Variants in ART3 observed in about 807,000 individuals in gnomAD.
ART3 encodes ecto-ADP-ribosyltransferase 3.
In ART3, 49 loss-of-function variants were observed where a neutral mutation model predicts 48.5. The observed-to-expected ratio is 1.01, with a 90% CI of 0.80 to 1.28. The LOEUF is 1.28. Among genes scored for constraint, ART3 ranks in the 50% most tolerant of loss-of-function variants. ART3 has a pLI of 0.00. For missense variants in ART3, 438 were observed against 454.3 expected, an observed-to-expected ratio of 0.96 and a Z score of 0.33; for synonymous variants, 145 against 157.2, an observed-to-expected ratio of 0.92 and a Z score of 0.58.
At chr4:76,039,919 C>T (rs1454902145) in intron 1 of ART3, among the ~76,000 whole-genome samples, 1 of 152,212 alleles carries the variant, frequency 6.6e-6, no homozygotes, top group Non-Finnish European at 1.5e-5. Flanking sequence ...TCCTTCAGTA[C>T]TCTGCTGGGA....
intron 1 of ART3, among the ~76,000 whole-genome samples, chr4:76,063,215 T>A (rs1719402135): frequency 6.6e-6 from 1 of 152,230 alleles, no homozygotes; most frequent in Non-Finnish European, 1.5e-5. Flanking sequence ...TTTTGTTCAC[T>A]GACAACATCC....
rs553179987 is a variant in ART3 at position 76,020,810 on chromosome 4, C to T, written c.-10+9490C>T. 1.6e-3 allele frequency among the ~76,000 whole-genome samples: 236 copies of T among 152,068 alleles called. 1 individual carries two copies. Among genetic ancestry groups the T allele is most frequent in the East Asian group, 3.5e-3 (18 of 5,174 alleles). On this transcript the variant is annotated intron_variant, in intron 1 of 9. Coordinates refer to the ART3 transcript ENST00000341029. Reference sequence around the variant, plus strand: ...TCGAGGCTGCAGTGAGCTATGATTGCACCACTGCACTCCGGCTTGGGTGAC... The same window carrying T: ...TCGAGGCTGCAGTGAGCTATGATTGTACCACTGCACTCCGGCTTGGGTGAC...
intron 1 of ART3, among the ~76,000 whole-genome samples, chr4:76,024,407 G>GA (rs72561720): frequency 5.3e-5 from 8 of 150,340 alleles, no homozygotes; most frequent in Middle Eastern, 3.4e-3. Flanking sequence ...CAAAGAAAAA[G>GA]AAAAAAAAAG....
chr4:76,105,694 C>G, intron 10 of ART3: 1 of 1,043,998 alleles, frequency 9.6e-7, no homozygotes, highest in Non-Finnish European at 1.2e-6. Flanking sequence ...GCAAGCCAGA[C>G]AGGGAAAGTG....
At chr4:76,047,867 C>A (rs1735664443) in intron 1 of ART3, among the ~76,000 whole-genome samples, 1 of 152,006 alleles carries the variant, frequency 6.6e-6, no homozygotes. Flanking sequence ...TTGCCCTAGA[C>A]CCTGTAGGAC....
chr4:76,020,773 G>C (rs1434843949), intron 1 of ART3, among the ~76,000 whole-genome samples: 5 of 152,128 alleles, frequency 3.3e-5, no homozygotes, highest in Non-Finnish European at 1.5e-5. Flanking sequence ...AGGATTACTT[G>C]AGCCCAGGAG....
At chr4:76,052,039 C>A (rs1457722314) in intron 1 of ART3, among the ~76,000 whole-genome samples, 1 of 151,640 alleles carries the variant, frequency 6.6e-6, no homozygotes, top group Non-Finnish European at 1.5e-5. Context: ...TGCCGAGTAG[C>A]CTGGATTACG....
At chr4:76,102,260 G>A (rs1312609600) in intron 8 of ART3, among the ~76,000 whole-genome samples, 1 of 152,144 alleles carries the variant, frequency 6.6e-6, no homozygotes, top group Non-Finnish European at 1.5e-5. Flanking sequence ...TGAAGCATCG[G>A]GAACTTCATT....
chr4:76,059,444 A>G (rs1035159701), intron 1 of ART3, among the ~76,000 whole-genome samples: 4 of 147,078 alleles, frequency 2.7e-5, no homozygotes, highest in East Asian at 2.0e-4. Flanking sequence ...TGACTATAAT[A>G]TGGAATTGAA....
At chr4:76,107,010 A>G (rs558585399) in intron 10 of ART3, among the ~76,000 whole-genome samples, 43 of 152,290 alleles carry the variant, frequency 2.8e-4, no homozygotes, top group Non-Finnish European at 5.4e-4. Flanking sequence ...CACTTTCTGT[A>G]CAATATTCAA....
chr4:76,022,247 G>A (rs1169858879), intron 1 of ART3: 9 of 804,640 alleles, frequency 1.1e-5, no homozygotes, highest in South Asian at 3.0e-5. Flanking sequence ...AGGGGAGGGC[G>A]TGGTGGTAAC....
At chr4:76,014,326 G>C (rs1371345364) in intron 1 of ART3, among the ~76,000 whole-genome samples, 1 of 152,020 alleles carries the variant, frequency 6.6e-6, no homozygotes, top group Non-Finnish European at 1.5e-5. Flanking sequence ...GACAAAATGA[G>C]AATATTAATA....
rs113577343 is a variant in ART3, at chr4:76,012,529, A to G, written c.-10+1209A>G. On this transcript the variant is annotated intron_variant, in intron 1 of 9. Coordinates refer to the ART3 transcript ENST00000341029. ...GCAAATCCTAGCTGTGGGAGGTTTT[A>G]TATCCTGTCTGCATCTAAGTCACTA... is the stretch of plus-strand genomic sequence containing the variant. Among the ~76,000 whole-genome samples the G allele has an allele frequency of 3.2e-3, 486 of 152,280 alleles. 5 individuals carry two copies. The highest frequency in any genetic ancestry group is 0.011 in the African/African-American group (462 of 41,562).
chr4:76,103,823 C>T, intron 8 of ART3, 114 bp from the exon 9 acceptor site: 1 of 935,972 alleles, frequency 1.1e-6, no homozygotes. Flanking sequence ...TTTTCTTTCC[C>T]CCTGCCTTTT....
intron 1 of ART3, among the ~76,000 whole-genome samples, chr4:76,025,889 C>A (rs56039229): frequency 0.11 from 16,288 of 151,990 alleles, 1,078 homozygotes; most frequent in African/African-American, 0.18. Flanking sequence ...CATATGCTTT[C>A]ATTTTGTGGG....
In ART3 at chr4:76,049,885, T is replaced by C. The variant is rs188267830; in HGVS notation, c.-9-25996T>C. Among the ~76,000 whole-genome samples the C allele has an allele frequency of 3.0e-4, 45 of 151,970 alleles. No homozygotes were observed. The East Asian group carries it at 8.5e-3, about 29-fold the overall frequency. The stretch of plus-strand genomic sequence containing the variant: ...GTGTTACAGCTCTTAAGGTGGCGCG[T>C]CTGGAGTTTGTTCCTTCTGATGTTT... On this transcript the variant is annotated intron_variant, in intron 1 of 9. Coordinates refer to the ART3 transcript ENST00000341029.
intron 1 of ART3, among the ~76,000 whole-genome samples, chr4:76,032,131 T>C (rs1022317894): frequency 7.2e-5 from 11 of 152,164 alleles, no homozygotes; most frequent in Admixed American, 7.2e-4. Context: ...TAGGTGTATG[T>C]TTTCTTCTCA....
chr4:76,065,815 T>C (rs1719680350), intron 1 of ART3, among the ~76,000 whole-genome samples: 1 of 151,878 alleles, frequency 6.6e-6, no homozygotes, highest in African/African-American at 2.4e-5. Flanking sequence ...TATTGAATGG[T>C]GTAGGGATAA....
intron 11 of ART3, among the ~76,000 whole-genome samples, chr4:76,109,553 T>C (rs1729088425): frequency 2.0e-5 from 3 of 147,846 alleles, no homozygotes; most frequent in Admixed American, 2.0e-4. Context: ...ACATAGTTGT[T>C]TATTATCAAA....
Sources: allele counts gnomAD v4.1 joint callset (sites outside exome capture counted in the v4.1 genomes callset), GRCh38; gene constraint gnomAD v4.1.1; transcripts MANE v1.5; gene names NCBI Gene and HGNC (gene_info 2026-07-23, HGNC 2026-07-21).